DCHS2: variants seen among roughly 807,000 people sequenced by gnomAD.
DCHS2 encodes the protein protocadherin-23.
Under a neutral mutation model 182.4 loss-of-function variants are expected in DCHS2, and 142 were observed. The observed-to-expected ratio is 0.78, with a 90% CI of 0.68 to 0.89. The LOEUF (loss-of-function observed/expected upper bound fraction) is 0.89. Among genes scored for constraint, DCHS2 ranks in the 40% least tolerant of loss-of-function variants. The pLI, the probability that DCHS2 is intolerant of heterozygous loss-of-function variation, is 0.00. For missense variants in DCHS2, 4,319 were observed against 4,198.6 expected (o/e 1.03, Z -0.79); for synonymous variants, 1,740 against 1,663.3 (o/e 1.05, Z -1.12).
chr4:154,462,055 C>T (rs886677435), intron 1 of DCHS2, among the ~76,000 whole-genome samples: 1 of 152,100 alleles, frequency 6.6e-6, no homozygotes, highest in African/African-American at 2.4e-5. Flanking sequence ...GGAACACACC[C>T]ACCTCACCCG....
At chr4:154,259,891 C>G in intron 14 of DCHS2, 135 bp from the exon 15 acceptor site, 1 of 1,035,686 alleles carries the variant, frequency 9.7e-7, no homozygotes. Context: ...GGTGAAATCT[C>G]GGCTCACTGC....
intron 5 of DCHS2, among the ~76,000 whole-genome samples, chr4:154,331,093 G>A (rs775086848): frequency 6.6e-6 from 1 of 152,082 alleles, no homozygotes; most frequent in Non-Finnish European, 1.5e-5. Flanking sequence ...TGTCTCCCAG[G>A]CTCTGAAGGA....
intron 10 of DCHS2, among the ~76,000 whole-genome samples, chr4:154,311,568 A>C (rs1361959898): frequency 2.0e-5 from 3 of 152,142 alleles, no homozygotes; most frequent in Non-Finnish European, 4.4e-5. Flanking sequence ...TCGACTGTAC[A>C]ATGTCCTCAC....
intron 10 of DCHS2, 111 bp downstream of exon 10, chr4:154,315,637 T>A (rs1434207745): frequency 1.6e-5 from 24 of 1,467,484 alleles, no homozygotes; most frequent in Non-Finnish European, 2.2e-5. Context: ...AAATTTGAGA[T>A]AACTAGCAAC....
chr4:154,256,288 C>G (rs775788479), intron 15 of DCHS2, among the ~76,000 whole-genome samples: 10 of 152,088 alleles, frequency 6.6e-5, no homozygotes, highest in Non-Finnish European at 1.3e-4. Context: ...CATGCGCCAC[C>G]ATGCCCAGCT....
rs759077609 is a variant in DCHS2, at chr4:154,414,179, TTA to T, written c.2053-36737_2053-36736del. 4.3e-4 allele frequency among the ~76,000 whole-genome samples: 63 copies of T among 147,330 alleles called. No homozygotes were observed. The Middle Eastern group carries it at 0.01, about 24-fold the overall frequency. The stretch of plus-strand genomic sequence containing the variant: ...TGAAGAAATAAATCAAATAAATCAA[TTA>T]TATATATATATATATAGAGAGAGAG... On this transcript the variant is annotated intron_variant, in intron 1 of 19. Transcript: ENST00000357232.
intron 1 of DCHS2, among the ~76,000 whole-genome samples, chr4:154,447,501 T>A (rs1171860321): frequency 6.6e-6 from 1 of 152,152 alleles, no homozygotes. Flanking sequence ...CAAATTTCAA[T>A]TAAAAATTAT....
At chr4:154,268,288 A>C (rs1733400142) in intron 14 of DCHS2, among the ~76,000 whole-genome samples, 1 of 149,956 alleles carries the variant, frequency 6.7e-6, no homozygotes, top group South Asian at 2.2e-4. Context: ...AAATTGCCAG[A>C]ATCCAGAATA....
At chr4:154,446,714 G>T in intron 1 of DCHS2, among the ~76,000 whole-genome samples, 1 of 152,048 alleles carries the variant, frequency 6.6e-6, no homozygotes. Context: ...CTACAATGCT[G>T]CCTCTCCTGA....
intron 1 of DCHS2, among the ~76,000 whole-genome samples, chr4:154,487,821 A>T (rs1728641205): frequency 6.6e-6 from 1 of 152,262 alleles, no homozygotes; most frequent in African/African-American, 2.4e-5. Context: ...AGATATATTT[A>T]CTCAAGTTAT....
intron 1 of DCHS2, among the ~76,000 whole-genome samples, chr4:154,378,371 C>T (rs1731009453): frequency 6.6e-6 from 1 of 150,882 alleles, no homozygotes; most frequent in Non-Finnish European, 1.5e-5. Context: ...ACAGTAAGAG[C>T]AAACACCTAC....
rs534053907 is a variant in DCHS2, at chr4:154,478,920, A to G, written c.2052+10384T>C. ...CGGTCTCCACAACAAAACATACACA[A>G]TGTCCGGAATACAAGGAAAAAGTAT... On this transcript the variant is annotated intron_variant, in intron 1 of 19. Coordinates refer to ENST00000357232, the MANE Select transcript of DCHS2 (RefSeq NM_001358235.2). 2.0e-5 allele frequency among the ~76,000 whole-genome samples: 3 copies of G among 152,324 alleles called. No homozygotes were observed. In the East Asian group the frequency reaches 5.8e-4, roughly 29 times the overall value.
chr4:154,286,517 T>C lies in DCHS2; in HGVS notation c.6463+11334A>G, dbSNP rs548738897. 3.9e-5 allele frequency among the ~76,000 whole-genome samples: 6 copies of C among 152,024 alleles called. No homozygotes were observed. In the South Asian group the frequency reaches 1.0e-3, roughly 26 times the overall value. Reference sequence around the variant, plus strand: ...AACTTTAACAAAGAGATTGAAGTAATTGAAAAAATTCAAGCAGAAATTCTG... The same window carrying C: ...AACTTTAACAAAGAGATTGAAGTAACTGAAAAAATTCAAGCAGAAATTCTG... On this transcript the variant is annotated intron_variant, in intron 13 of 19. Coordinates refer to ENST00000357232, the MANE Select transcript of DCHS2 (RefSeq NM_001358235.2).
At chr4:154,331,792 G>A in intron 5 of DCHS2, 3 of 1,453,222 alleles carry the variant, frequency 2.1e-6, no homozygotes, top group South Asian at 2.9e-5. Flanking sequence ...CTGAGTTTCA[G>A]TTTTCCCGGG....
intron 13 of DCHS2, among the ~76,000 whole-genome samples, chr4:154,272,972 A>G (rs1733666750): frequency 6.6e-6 from 1 of 152,034 alleles, no homozygotes; most frequent in Non-Finnish European, 1.5e-5. Context: ...AAACTTCCTC[A>G]TAGTTCCACT....
chr4:154,302,485 G>T (rs563331491), intron 12 of DCHS2, among the ~76,000 whole-genome samples: 2 of 152,232 alleles, frequency 1.3e-5, no homozygotes, highest in East Asian at 3.9e-4. Flanking sequence ...TTTTTGGAAG[G>T]GCAGGTTTAG....
chr4:154,293,245 C>T (rs547892186), intron 13 of DCHS2, among the ~76,000 whole-genome samples: 62 of 152,078 alleles, frequency 4.1e-4, no homozygotes, highest in Non-Finnish European at 7.5e-4. Flanking sequence ...TCTTGTTGCC[C>T]AGGCTGGAGT....
chr4:154,320,563 A>G lies in DCHS2; in HGVS notation c.4836T>C (p.Asp1612=), dbSNP rs1339012741. The part of the protein sequence containing the change: ...RSLTAQIVIL[D]VNDHNPTFIS... ...TAAAAGTGGGGTTGTGGTCATTTAC[A>G]TCCAAAATCACTATTTGTGCTGTCA... Residue 1612 remains aspartate (D), a synonymous_variant, in exon 9 of 20, where the codon GAT becomes GAC. Coordinates refer to ENST00000357232, the MANE Select transcript of DCHS2 (RefSeq NM_001358235.2). 2 of 1,614,102 alleles carry G rather than the reference A, an allele frequency of 1.2e-6. No homozygotes were observed. The highest frequency in any genetic ancestry group is 4.5e-5 in the East Asian group (2 of 44,876).
chr4:154,352,211 C>G (rs1209233465), intron 3 of DCHS2, among the ~76,000 whole-genome samples: 3 of 152,120 alleles, frequency 2.0e-5, no homozygotes, highest in Non-Finnish European at 2.9e-5. Context: ...ATTTCTGGTT[C>G]CCCGCTAGTG....
Sources: gnomAD v4.1 joint callset for allele counts (sites outside exome capture counted in the v4.1 genomes callset) on GRCh38, gnomAD v4.1.1 for gene constraint, MANE v1.5 for transcripts, NCBI Gene and HGNC (gene_info 2026-07-23, HGNC 2026-07-21) for gene names.